BID: variants seen among roughly 807,000 people sequenced by gnomAD.
BID encodes BH3-interacting domain death agonist.
Under a neutral mutation model 17.4 loss-of-function variants are expected in BID, and 19 were observed. The ratio of observed to expected loss-of-function variants is 1.09; its 90% CI spans 0.76 to 1.60. BID has a LOEUF of 1.60. Among genes scored for constraint, BID ranks in the 40% most tolerant of loss-of-function variants. BID has a pLI of 0.00. For synonymous variants in BID, 108 were observed against 102.8 expected (o/e 1.05, Z -0.31); for missense variants, 226 against 256.0 (o/e 0.88, Z 0.80).
At chr22:17,752,105 A>G (rs2061544118) in intron 1 of BID, among the ~76,000 whole-genome samples, 1 of 152,144 alleles carries the variant, frequency 6.6e-6, no homozygotes, top group South Asian at 2.1e-4. Flanking sequence ...TGAGCTCGGG[A>G]GGCAGCTCAC....
chr22:17,760,900 T>C (rs1322399031), intron 1 of BID, among the ~76,000 whole-genome samples: 1 of 152,194 alleles, frequency 6.6e-6, no homozygotes, highest in Non-Finnish European at 1.5e-5. Flanking sequence ...CATTCAGATA[T>C]TTTCTGAATG....
chr22:17,757,569 C>T lies in BID; in HGVS notation c.-58-7395G>A, dbSNP rs536333607. Among the ~76,000 whole-genome samples, 473 of 151,754 alleles carry T rather than the reference C, an allele frequency of 3.1e-3. 1 individual carries two copies. The highest frequency in any genetic ancestry group is 3.1e-3 in the Non-Finnish European group (209 of 67,894). ...TAAAAATACAAAAAAATTAGCCGGG[C>T]GTGGTGGCGGGCGCCTGTAATCCCA... is the stretch of plus-strand genomic sequence containing the variant. On this transcript the variant is annotated intron_variant, in intron 1 of 5. Coordinates refer to ENST00000622694, the MANE Select transcript of BID (RefSeq NM_001196.4).
At chr22:17,736,893 A>G (rs2061423844) in intron 5 of BID, among the ~76,000 whole-genome samples, 1 of 151,104 alleles carries the variant, frequency 6.6e-6, no homozygotes, top group Non-Finnish European at 1.5e-5. Context: ...AACCTCTGCC[A>G]CCAGGGTTCA....
chr22:17,755,069 CT>C (rs1412447822), intron 1 of BID, among the ~76,000 whole-genome samples: 1 of 138,982 alleles, frequency 7.2e-6, no homozygotes. Flanking sequence ...GCCTGAATTT[CT>C]TTTTTTCTTT....
rs1421063477 is a variant in BID at position 17,735,365 on chromosome 22, G to C, written c.*215C>G. On this transcript the variant is annotated 3_prime_UTR_variant, in exon 6 of 6. Transcript: ENST00000622694. ...GATGATATGAAGGCCATTCAAATAC[G>C]TGTAAATGGACATTTTCATTCAAGT... 4.3e-5 allele frequency: 25 copies of C among 584,770 alleles called. No homozygotes were observed. Among genetic ancestry groups the C allele is most frequent in the Middle Eastern group, 4.4e-4 (1 of 2,280 alleles). The allele number at this position is 584,770 out of a possible 1,614,324, so 36.2% of individuals were successfully genotyped here. A position where few individuals can be genotyped will look rare whatever the true frequency, so the allele number is the denominator to read the frequency against.
chr22:17,739,607 A>G (rs2061444253), intron 3 of BID, 119 bp from the exon 4 acceptor site: 7 of 1,327,480 alleles, frequency 5.3e-6, no homozygotes, highest in Non-Finnish European at 6.2e-6. Flanking sequence ...GCCAGCCCCC[A>G]CTGGGCACGT....
In BID at chr22:17,750,118, G is replaced by A. The variant is rs2061525921; in HGVS notation, c.-2C>T. 6.2e-7 allele frequency: 1 copy of A among 1,613,296 alleles called. No individual in the cohort carries two copies. The highest frequency in any genetic ancestry group is 8.5e-7 in the Non-Finnish European group (1 of 1,179,910). On this transcript the variant is annotated 5_prime_UTR_variant, in exon 2 of 6. Coordinates refer to ENST00000622694, the MANE Select transcript of BID (RefSeq NM_001196.4). The stretch of plus-strand genomic sequence containing the variant: ...CTGGCCTCTGACCTCACAGTCCATG[G>A]CCTGGGCAGCGCGGCAGCTCCGACT...
Position 17,738,097 on chromosome 22 carries a change from A to C in BID, c.496T>G (p.Leu166Val), listed in dbSNP as rs747484734. 1 of 1,614,188 alleles carries C rather than the reference A, an allele frequency of 6.2e-7. No individual in the cohort carries two copies. The highest frequency in any genetic ancestry group is 8.5e-7 in the Non-Finnish European group (1 of 1,180,040). ...AKKVASHTPS[L>V]LRDVFHTTVN... ...GTTGTGTGAAAGACATCACGGAGCA[A>C]GGACGGCGTGTGACTGGCCACCTTC... The change falls in exon 5 of 6, where the codon TTG (leucine) becomes GTG (valine). Residue 166 changes from leucine (L) to valine (V), a missense_variant. Transcript: ENST00000622694.
chr22:17,763,904 TAAAAAAAA>T (rs3838142), intron 1 of BID, among the ~76,000 whole-genome samples: 4 of 145,972 alleles, frequency 2.7e-5, no homozygotes, highest in African/African-American at 7.5e-5. Context: ...ACTTATAATT[TAAAAAAAA>T]AAAAAATCAA....
At position 17,750,278 on chromosome 22, in the gene BID, G is replaced by A. The variant is rs2061527885; in HGVS notation, c.-58-104C>T. 4.0e-6 allele frequency: 4 copies of A among 991,992 alleles called. No individual in the cohort carries two copies. The East Asian group carries it at 1.0e-4, about 26-fold the overall frequency. The allele number at this position is 991,992 out of a possible 1,614,324, so 61.4% of individuals were successfully genotyped here. On this transcript the variant is annotated intron_variant, in intron 1 of 5. Coordinates refer to ENST00000622694, the MANE Select transcript of BID (RefSeq NM_001196.4). Reference sequence around the variant, plus strand: ...CCTGTGCTCCAGAAATGGCGGCTGAGCCGAGGTCCTGGCCTGAGCCCCGCA... The same window carrying A: ...CCTGTGCTCCAGAAATGGCGGCTGAACCGAGGTCCTGGCCTGAGCCCCGCA...
chr22:17,753,688 G>T (rs1317843373), intron 1 of BID, among the ~76,000 whole-genome samples: 2 of 152,246 alleles, frequency 1.3e-5, no homozygotes, highest in Non-Finnish European at 2.9e-5. Context: ...AAACAAAGTT[G>T]CTAGTAAGAA....
intron 1 of BID, among the ~76,000 whole-genome samples, chr22:17,762,550 G>A (rs1188415651): frequency 6.7e-6 from 1 of 150,048 alleles, no homozygotes; most frequent in East Asian, 2.0e-4. Context: ...TCAAATGAAT[G>A]AACACTTTTT....
chr22:17,774,188 G>A (rs1208529380), intron 1 of BID, 193 bp downstream of exon 1: 1 of 156,426 alleles, frequency 6.4e-6, no homozygotes, highest in Non-Finnish European at 1.4e-5. Context: ...CGGAGGGGAG[G>A]CGGGAGAGAC....
At chr22:17,744,789 G>C (rs1349217641) in intron 2 of BID, among the ~76,000 whole-genome samples, 1 of 152,198 alleles carries the variant, frequency 6.6e-6, no homozygotes, top group African/African-American at 2.4e-5. Flanking sequence ...TATTCTTACA[G>C]GCAAAGGTGA....
rs768307182 is a variant in BID at position 17,773,601 on chromosome 22, C to A, written c.-59+780G>T. ...CAGCCGCAGAAGGCCCAGCCCCCAG[C>A]CCACTTACAGAATCCGCACTGTGCT... On this transcript the variant is annotated intron_variant, in intron 1 of 5. Transcript: ENST00000622694. This position sits in a 1 kb window ranked among gnomAD's most constrained non-coding sequence, Gnocchi z 4.4. 1 of 1,612,574 alleles carries A rather than the reference C, an allele frequency of 6.2e-7. No homozygotes were observed. The highest frequency in any genetic ancestry group is 8.5e-7 in the Non-Finnish European group (1 of 1,179,910).
rs2061478686 is a variant in BID at position 17,743,946 on chromosome 22, C to G, written c.80G>C (p.Ser27Thr). The change falls in exon 3 of 6, where the codon AGC becomes ACC. Residue 27 changes from serine to threonine, a missense_variant. Physicochemically the swap from Ser to Thr is moderately conservative, Grantham distance 58. Coordinates refer to ENST00000622694, the MANE Select transcript of BID (RefSeq NM_001196.4). ...TCTGCGGAAGCTGTTGTCAGAACAGCTTTGGAGGAAGCCAAACACCAGTAG... is the reference window on the plus strand; with the variant it reads ...TCTGCGGAAGCTGTTGTCAGAACAGGTTTGGAGGAAGCCAAACACCAGTAG... ...TNLLVFGFLQ[S>T]CSDNSFRREL... is the part of the protein sequence containing the mutation. 6.2e-7 allele frequency: 1 copy of G among 1,613,904 alleles called. No individual in the cohort carries two copies. The highest frequency in any genetic ancestry group is 8.5e-7 in the Non-Finnish European group (1 of 1,180,038).
chr22:17,742,846 C>T (rs1458591294), intron 3 of BID, among the ~76,000 whole-genome samples: 2 of 152,150 alleles, frequency 1.3e-5, no homozygotes, highest in Admixed American at 6.5e-5. Flanking sequence ...GGTGAGCCTC[C>T]ACTCGCCCCC....
Position 17,743,894 on chromosome 22 carries a change from C to G in BID, c.132G>C (p.Leu44=), listed in dbSNP as rs1315614683. The change falls in exon 3 of 6, where the codon CTG becomes CTC. Residue 44 remains leucine (L), a synonymous_variant. Coordinates refer to ENST00000622694, the MANE Select transcript of BID (RefSeq NM_001196.4). ...CCTCCCACTGGGGAGCCAGCACTGGCAGCTCGTGGCCCAGTGCGTCCAGCT... is the reference window on the plus strand; with the variant it reads ...CCTCCCACTGGGGAGCCAGCACTGGGAGCTCGTGGCCCAGTGCGTCCAGCT... ...RRELDALGHE[L]PVLAPQWEGY... 6.2e-7 allele frequency: 1 copy of G among 1,613,550 alleles called. No individual in the cohort carries two copies. The highest frequency in any genetic ancestry group is 8.5e-7 in the Non-Finnish European group (1 of 1,180,022).
intron 1 of BID, among the ~76,000 whole-genome samples, chr22:17,771,189 TCCCGGGTTCACA>T (rs918800632): frequency 5.3e-5 from 8 of 152,164 alleles, no homozygotes; most frequent in African/African-American, 1.7e-4. Context: ...AAGCTCCACC[TCCCGGGTTCACA>T]CCATTCTCCT....
Sources: gnomAD v4.1 joint callset for allele counts (sites outside exome capture counted in the v4.1 genomes callset) on GRCh38, gnomAD v4.1.1 for gene constraint, Gnocchi (gnomAD v3.1) non-coding constraint, MANE v1.5 for transcripts, NCBI Gene and HGNC (gene_info 2026-07-23, HGNC 2026-07-21) for gene names.